The following EPHA6 variants were observed in gnomAD, a reference collection of about 807,000 sequenced individuals.
The protein encoded by EPHA6 is ephrin type-A receptor 6.
Under a neutral mutation model 112.0 loss-of-function variants are expected in EPHA6, and 50 were observed. That is an observed-to-expected ratio of 0.45 (90% CI 0.36 to 0.56). The LOEUF is 0.56. Ranked by LOEUF, EPHA6 falls within the 20% of genes least tolerant of loss-of-function variation. The pLI, the probability that EPHA6 is intolerant of heterozygous loss-of-function variation, is 0.00. For synonymous variants in EPHA6, 529 were observed against 490.7 expected (o/e 1.08, Z -1.03); for missense variants, 1,280 against 1,417.4 (o/e 0.90, Z 1.56).
At chr3:97,351,609 C>T (rs1055261000) in intron 5 of EPHA6, among the ~76,000 whole-genome samples, 6 of 151,958 alleles carry the variant, frequency 3.9e-5, no homozygotes, top group African/African-American at 1.5e-4. Flanking sequence ...TCATAATTTT[C>T]AATAACAAAT....
chr3:96,917,725 C>G (rs188093752), intron 2 of EPHA6, among the ~76,000 whole-genome samples: 1 of 152,026 alleles, frequency 6.6e-6, no homozygotes, highest in African/African-American at 2.4e-5. Context: ...ACCCAACATT[C>G]ATTACACTCA....
intron 3 of EPHA6, among the ~76,000 whole-genome samples, chr3:97,162,701 T>A (rs371909782): frequency 6.6e-6 from 1 of 152,154 alleles, no homozygotes; most frequent in African/African-American, 2.4e-5. Context: ...AGGTCCTTCC[T>A]CAAGGGTACC....
intron 11 of EPHA6, among the ~76,000 whole-genome samples, chr3:97,533,828 C>T (rs1339680306): frequency 6.6e-6 from 1 of 152,028 alleles, no homozygotes; most frequent in East Asian, 1.9e-4. Context: ...ATCTGAACTC[C>T]AAGCGGAATG....
intron 5 of EPHA6, among the ~76,000 whole-genome samples, chr3:97,388,379 A>G (rs1192794253): frequency 6.6e-6 from 1 of 152,130 alleles, no homozygotes; most frequent in African/African-American, 2.4e-5. Context: ...CAGGTCAGTG[A>G]GCAAATAGAG....
intron 7 of EPHA6, among the ~76,000 whole-genome samples, chr3:97,452,336 A>T (rs183479173): frequency 2.2e-3 from 333 of 152,008 alleles, no homozygotes; most frequent in Admixed American, 4.2e-3. Context: ...ACCTTATTGC[A>T]TATATGTATG....
chr3:97,556,144 C>G (rs901632917), intron 11 of EPHA6, among the ~76,000 whole-genome samples: 1 of 152,036 alleles, frequency 6.6e-6, no homozygotes, highest in Non-Finnish European at 1.5e-5. Flanking sequence ...TGCTTACACC[C>G]TGCTTCACCC....
chr3:97,640,072 G>A (rs1264780739), intron 14 of EPHA6, among the ~76,000 whole-genome samples: 1 of 152,048 alleles, frequency 6.6e-6, no homozygotes, highest in Non-Finnish European at 1.5e-5. Flanking sequence ...TACTTTCACA[G>A]GTTAGAAGGT....
intron 3 of EPHA6, among the ~76,000 whole-genome samples, chr3:97,123,112 G>A (rs1433878419): frequency 6.6e-6 from 1 of 151,818 alleles, no homozygotes; most frequent in African/African-American, 2.4e-5. Flanking sequence ...TTATCCAAAG[G>A]TAAATGAAAA....
intron 2 of EPHA6, among the ~76,000 whole-genome samples, chr3:96,884,868 G>A (rs113071412): frequency 0.12 from 17,940 of 152,136 alleles, 1,385 homozygotes; most frequent in Non-Finnish European, 0.17. Context: ...GTTTGTCATA[G>A]ATGGCTTTTA....
At chr3:96,938,580 C>T (rs563251249) in intron 2 of EPHA6, among the ~76,000 whole-genome samples, 1 of 152,270 alleles carries the variant, frequency 6.6e-6, no homozygotes, top group African/African-American at 2.4e-5. Context: ...TTCCTCTTTT[C>T]CTAATTGAAT....
chr3:97,296,587 T>C (rs977273379), intron 5 of EPHA6, among the ~76,000 whole-genome samples: 6 of 152,148 alleles, frequency 3.9e-5, no homozygotes, highest in Non-Finnish European at 8.8e-5. Context: ...CAGTTGGCTC[T>C]CAGGCTCTGG....
intron 14 of EPHA6, among the ~76,000 whole-genome samples, chr3:97,645,686 C>G (rs774534337): frequency 1.9e-4 from 29 of 151,776 alleles, no homozygotes; most frequent in Non-Finnish European, 3.4e-4. Context: ...GAAAAGGATT[C>G]TTTGTTTTAT....
At chr3:97,427,229 A>G (rs1165400294) in intron 6 of EPHA6, among the ~76,000 whole-genome samples, 1 of 152,240 alleles carries the variant, frequency 6.6e-6, no homozygotes, top group African/African-American at 2.4e-5. Flanking sequence ...TACTATAAAG[A>G]CACATGCTTG....
In EPHA6 at chr3:97,475,377, A is replaced by G; in HGVS notation, c.1920A>G (p.Gly640=). Residue 640 remains glycine (G), a synonymous_variant, in exon 8 of 18, where the codon GGA becomes GGG. Transcript: ENST00000389672. ...DETSDMAAEQ[G]QILVIATAAV... Reference sequence around the variant, plus strand: ...CTTCTGACATGGCAGCAGAACAAGGACAGATTCTCGTGATAGCCACCGCCG... The same window carrying G: ...CTTCTGACATGGCAGCAGAACAAGGGCAGATTCTCGTGATAGCCACCGCCG... 6.2e-7 allele frequency: 1 copy of G among 1,611,960 alleles called. No individual in the cohort carries two copies. The highest frequency in any genetic ancestry group is 1.3e-5 in the African/African-American group (1 of 74,954).
At chr3:97,313,183 CT>C (rs1368062306) in intron 5 of EPHA6, among the ~76,000 whole-genome samples, 1 of 151,472 alleles carries the variant, frequency 6.6e-6, no homozygotes, top group African/African-American at 2.4e-5. Context: ...GTTTCTTTGT[CT>C]GGCTTATTTC....
At chr3:96,960,416 T>C (rs142674317) in intron 2 of EPHA6, among the ~76,000 whole-genome samples, 2 of 152,296 alleles carry the variant, frequency 1.3e-5, no homozygotes, top group African/African-American at 2.4e-5. Context: ...TTTGCCACTT[T>C]TGGCAATTGC....
At chr3:96,927,844 G>C (rs1007771727) in intron 2 of EPHA6, among the ~76,000 whole-genome samples, 2 of 152,164 alleles carry the variant, frequency 1.3e-5, no homozygotes, top group Admixed American at 6.5e-5. Context: ...CTGCTATAAA[G>C]ATACTACCTG....
At chr3:97,104,557 T>C (rs942548688) in intron 3 of EPHA6, among the ~76,000 whole-genome samples, 1 of 152,162 alleles carries the variant, frequency 6.6e-6, no homozygotes, top group African/African-American at 2.4e-5. Context: ...AAGTATTTAG[T>C]TGAGGATTTT....
chr3:97,352,161 A>AT (rs917884760), intron 5 of EPHA6, among the ~76,000 whole-genome samples: 19 of 150,728 alleles, frequency 1.3e-4, no homozygotes, highest in South Asian at 2.1e-4. Context: ...ACAAAAGGAT[A>AT]TTTTTTTTTA....
Sources: allele counts gnomAD v4.1 joint callset (sites outside exome capture counted in the v4.1 genomes callset), GRCh38; gene constraint gnomAD v4.1.1; transcripts MANE v1.5; gene names NCBI Gene and HGNC (gene_info 2026-07-23, HGNC 2026-07-21).